The following FRYL variants were observed in gnomAD, a reference collection of about 807,000 sequenced individuals.
FRYL encodes the protein FRY like transcription coactivator.
A neutral mutation model predicts 351.2 loss-of-function variants in FRYL; 150 were observed. That is an observed-to-expected ratio of 0.43 (90% CI 0.37 to 0.49). The LOEUF is 0.49. Among genes scored for constraint, FRYL ranks in the 20% least tolerant of loss-of-function variants. The pLI is 0.00. For missense variants in FRYL, 3,036 were observed against 3,619.3 expected, an observed-to-expected ratio of 0.84 and a Z score of 4.13; for synonymous variants, 1,153 against 1,257.1, an observed-to-expected ratio of 0.92 and a Z score of 1.75.
At chr4:48,639,932 G>A (rs1053655417) in intron 3 of FRYL, among the ~76,000 whole-genome samples, 2 of 151,996 alleles carry the variant, frequency 1.3e-5, no homozygotes, top group Admixed American at 6.6e-5. Flanking sequence ...ATGTCTTCAG[G>A]GAATTGAAAA....
At chr4:48,586,324 T>C (rs1742100832) in intron 19 of FRYL, among the ~76,000 whole-genome samples, 1 of 152,000 alleles carries the variant, frequency 6.6e-6, no homozygotes, top group Non-Finnish European at 1.5e-5. Flanking sequence ...TGCCCATATG[T>C]TAAGGGATAA....
At chr4:48,665,581 CAT>C in intron 3 of FRYL, among the ~76,000 whole-genome samples, 1 of 152,266 alleles carries the variant, frequency 6.6e-6, no homozygotes, top group Non-Finnish European at 1.5e-5. Context: ...TTAATACCAA[CAT>C]AGTTTCACTG....
chr4:48,672,052 T>C (rs565106170), intron 3 of FRYL, among the ~76,000 whole-genome samples: 5 of 152,264 alleles, frequency 3.3e-5, no homozygotes, highest in African/African-American at 9.6e-5. Flanking sequence ...TGTAATTAAA[T>C]TGATTCATCT....
At position 48,523,002 on chromosome 4, in the gene FRYL, T is replaced by A; in HGVS notation, c.7420A>T (p.Ser2474Cys). The A allele has an allele frequency of 6.2e-7, 1 of 1,613,914 alleles. No homozygotes were observed. ...TTGGTGAGGTTCAGGCTGGGGGTGC[T>A]ACTAGAGCACTGGTACTCCTGGAGG... ...PSLQEYQCSS[S>C]TPSLNLTNQE... is the part of the protein sequence containing the mutation. The change falls in exon 54 of 64, where the codon AGC becomes TGC. Residue 2474 changes from serine (S) to cysteine (C), a missense_variant. Ser to Cys is a moderately radical substitution (Grantham distance 112, BLOSUM62 -1). Around this residue, in one of 7 missense-constraint regions of FRYL, gnomAD observed 1,987 missense variants for 2,311.7 expected, o/e 0.86. Transcript: ENST00000358350.
intron 1 of FRYL, among the ~76,000 whole-genome samples, chr4:48,735,225 C>T (rs1178727145): frequency 8.5e-5 from 8 of 93,920 alleles, no homozygotes; most frequent in Non-Finnish European, 1.0e-4. Context: ...AAGAAATGCT[C>T]ATCATCACTG....
At chr4:48,705,986 G>A (rs1482052025) in intron 2 of FRYL, among the ~76,000 whole-genome samples, 11 of 152,066 alleles carry the variant, frequency 7.2e-5, no homozygotes, top group African/African-American at 2.7e-4. Context: ...ACAGGCACAC[G>A]CCACCACTCC....
At chr4:48,687,515 G>C (rs1765272319) in intron 2 of FRYL, among the ~76,000 whole-genome samples, 1 of 118,028 alleles carries the variant, frequency 8.5e-6, no homozygotes. Flanking sequence ...GGTGAGGGGG[G>C]AGGGGGGCGG....
At position 48,557,589 on chromosome 4, in the gene FRYL, T is replaced by G; in HGVS notation, c.3989A>C (p.His1330Pro). Residue 1330 changes from histidine to proline, a missense_variant, in exon 34 of 64, where the codon CAT becomes CCT. His to Pro is a moderately conservative substitution (Grantham distance 77). Around this residue, in one of 7 missense-constraint regions of FRYL, gnomAD observed 1,987 missense variants for 2,311.7 expected, o/e 0.86. Coordinates refer to ENST00000358350, the MANE Select transcript of FRYL (RefSeq NM_015030.2). ...DLKPLPTARR[H>P]DEDEDDSLKD... Reference sequence around the variant, plus strand: ...TAAGGAATCATCTTCATCTTCATCATGTCGCCTTGCTGTGGGGAGAGGTTT... The same window carrying G: ...TAAGGAATCATCTTCATCTTCATCAGGTCGCCTTGCTGTGGGGAGAGGTTT... The G allele has an allele frequency of 1.2e-6, 2 of 1,614,218 alleles. No homozygotes were observed. The highest frequency in any genetic ancestry group is 1.7e-6 in the Non-Finnish European group (2 of 1,180,038).
Position 48,499,419 on chromosome 4 carries a change from G to A in FRYL, c.*3C>T. On this transcript the variant is annotated 3_prime_UTR_variant, in exon 64 of 64. Transcript: ENST00000358350. ...AGTTTCTTTCCTAAAGGCCTGAAGT[G>A]TCTCAGAATCCAGTGCTCACCATAT... The A allele has an allele frequency of 1.2e-6, 2 of 1,613,582 alleles. No homozygotes were observed. The highest frequency in any genetic ancestry group is 1.7e-6 in the Non-Finnish European group (2 of 1,179,542).
At position 48,766,254 on chromosome 4, in the gene FRYL, G is replaced by T. The variant is rs186272561; in HGVS notation, c.-384+13824C>A. Among the ~76,000 whole-genome samples the T allele has an allele frequency of 2.0e-5, 3 of 152,240 alleles. No homozygotes were observed. The East Asian group carries it at 5.8e-4, about 29-fold the overall frequency. ...GTCTGGTTTGTGAGGAACTACACAC[G>T]ATGGCTACAATCTCTGTTCCCTGAG... On this transcript the variant is annotated intron_variant, in intron 1 of 63. Transcript: ENST00000358350.
chr4:48,528,189 G>C lies in FRYL; in HGVS notation c.7051C>G (p.Pro2351Ala). 1 of 1,612,842 alleles carries C rather than the reference G, an allele frequency of 6.2e-7. No homozygotes were observed. The highest frequency in any genetic ancestry group is 8.5e-7 in the Non-Finnish European group (1 of 1,179,230). ...TCTTTATGTACCTGTGATAACTGTG[G>C]CCTTTTCCAACTAACAGGAACCAAG... ...NALVPVSWKR[P>A]QLSQRRTREK... Residue 2351 changes from proline to alanine, a missense_variant, in exon 51 of 64, where the codon CCA becomes GCA. Around this residue, in one of 7 missense-constraint regions of FRYL, gnomAD observed 1,987 missense variants for 2,311.7 expected, o/e 0.86. Transcript: ENST00000358350.
intron 2 of FRYL, among the ~76,000 whole-genome samples, chr4:48,707,664 T>C (rs997032947): frequency 1.3e-5 from 2 of 151,936 alleles, no homozygotes; most frequent in Admixed American, 6.6e-5. Context: ...GAAAAGAAAC[T>C]GTTCCAGGTA....
intron 1 of FRYL, among the ~76,000 whole-genome samples, chr4:48,741,465 G>A (rs575016116): frequency 2.6e-5 from 4 of 152,244 alleles, no homozygotes; most frequent in East Asian, 3.9e-4. Flanking sequence ...GCTTCAACCC[G>A]TGACGTGGAG....
Position 48,502,826 on chromosome 4 carries a change from A to G in FRYL, c.8481+2T>C, listed in dbSNP as rs2148708738. 1 of 1,610,242 alleles carries G rather than the reference A, an allele frequency of 6.2e-7. No individual in the cohort carries two copies. The highest frequency in any genetic ancestry group is 1.7e-4 in the Middle Eastern group (1 of 6,044). ...GTCTATAAATCAAGACAGGTCACTT[A>G]CTGCTAGTATTTCCATTTGCTAAGC... On this transcript the variant is annotated splice_donor_variant, in intron 61 of 63. Coordinates refer to ENST00000358350, the MANE Select transcript of FRYL (RefSeq NM_015030.2). LOFTEE classifies it high-confidence loss of function.
rs1428510995 is a variant in FRYL at position 48,534,668 on chromosome 4, C to T, written c.6582G>A (p.Leu2194=). 1.3e-6 allele frequency: 2 copies of T among 1,559,942 alleles called. No homozygotes were observed. Among genetic ancestry groups the T allele is most frequent in the East Asian group, 2.3e-5 (1 of 44,428 alleles). ...TYLAELLEKG[L]SSMQQSLLQI... is the part of the protein sequence containing the mutation. Reference sequence around the variant, plus strand: ...GTAGTAATGATTGCTGCATACTGGACAATCCTTTCTCTAACAGCTAAAAAT... The same window carrying T: ...GTAGTAATGATTGCTGCATACTGGATAATCCTTTCTCTAACAGCTAAAAAT... Residue 2194 remains leucine (L), a synonymous_variant, in exon 49 of 64, where the codon TTG becomes TTA. Coordinates refer to ENST00000358350, the MANE Select transcript of FRYL (RefSeq NM_015030.2).
At chr4:48,521,582 T>A (rs1724917332) in intron 54 of FRYL, among the ~76,000 whole-genome samples, 1 of 152,244 alleles carries the variant, frequency 6.6e-6, no homozygotes, top group South Asian at 2.1e-4. Flanking sequence ...AGAGACAGAC[T>A]GCTTGATTCA....
At chr4:48,655,404 A>G (rs536904091) in intron 3 of FRYL, among the ~76,000 whole-genome samples, 1 of 152,206 alleles carries the variant, frequency 6.6e-6, no homozygotes, top group African/African-American at 2.4e-5. Context: ...ACATGCCTTA[A>G]GATGCTGAAT....
At chr4:48,579,828 G>A (rs952779017) in intron 22 of FRYL, among the ~76,000 whole-genome samples, 1 of 152,056 alleles carries the variant, frequency 6.6e-6, no homozygotes, top group South Asian at 2.1e-4. Flanking sequence ...GTTTTGAATT[G>A]TATAGATCCT....
chr4:48,728,270 A>T (rs1157727092), intron 1 of FRYL, among the ~76,000 whole-genome samples: 3 of 152,154 alleles, frequency 2.0e-5, no homozygotes, highest in Non-Finnish European at 4.4e-5. Context: ...CATAGCAAAA[A>T]ATATATATAT....
Sources: gnomAD v4.1 joint callset for allele counts (sites outside exome capture counted in the v4.1 genomes callset) on GRCh38, gnomAD v4.1.1 for gene constraint, gnomAD v4.1.1 regional missense constraint, MANE v1.5 for transcripts, NCBI Gene and HGNC (gene_info 2026-07-23, HGNC 2026-07-21) for gene names.